The following LRRC20 variants were observed in gnomAD, a reference collection of about 807,000 sequenced individuals.
The protein encoded by LRRC20 is leucine rich repeat containing 20, also known as leucine-rich repeat-containing protein 20.
In LRRC20, 11 loss-of-function variants were observed where a neutral mutation model predicts 14.4. The observed-to-expected ratio is 0.77, with a 90% CI of 0.48 to 1.27. The LOEUF (loss-of-function observed/expected upper bound fraction) is 1.27. Ranked by LOEUF, LRRC20 falls within the 50% of genes most tolerant of loss-of-function variation. The probability of loss-of-function intolerance (pLI) is 0.00; values close to 1 mark genes in which losing one functional copy is unlikely to be tolerated. For missense variants in LRRC20, 219 were observed against 251.2 expected, an observed-to-expected ratio of 0.87 and a Z score of 0.87; for synonymous variants, 121 against 107.3, an observed-to-expected ratio of 1.13 and a Z score of -0.79.
intron 3 of LRRC20, among the ~76,000 whole-genome samples, chr10:70,334,918 C>T (rs1842668610): frequency 6.6e-6 from 1 of 152,176 alleles, no homozygotes; most frequent in African/African-American, 2.4e-5. Context: ...CTGGCAGGCA[C>T]CAGGAGCTGC....
At chr10:70,311,287 G>A (rs1841656733) in intron 4 of LRRC20, among the ~76,000 whole-genome samples, 1 of 143,572 alleles carries the variant, frequency 7.0e-6, no homozygotes. Context: ...GGGGTGCAAT[G>A]GCGCGATCTC....
At chr10:70,322,357 T>C (rs1318028915) in intron 4 of LRRC20, among the ~76,000 whole-genome samples, 1 of 152,034 alleles carries the variant, frequency 6.6e-6, no homozygotes, top group Middle Eastern at 3.2e-3. Context: ...CAGAAGGAAG[T>C]GGAGGCATCT....
At chr10:70,377,182 T>G (rs972379243) in intron 1 of LRRC20, among the ~76,000 whole-genome samples, 2 of 152,138 alleles carry the variant, frequency 1.3e-5, no homozygotes, top group Non-Finnish European at 2.9e-5. Flanking sequence ...TCCTTTCCCA[T>G]GTGCCAACAG....
At chr10:70,324,099 C>T (rs374134488) in intron 3 of LRRC20, 69 bp from the exon 4 acceptor site, 94 of 1,461,152 alleles carry the variant, frequency 6.4e-5, no homozygotes, top group Admixed American at 1.2e-4. Context: ...AGTGACTGCC[C>T]GCTGTGGCTC....
chr10:70,378,179 A>T (rs1844577953), intron 1 of LRRC20, among the ~76,000 whole-genome samples: 1 of 152,210 alleles, frequency 6.6e-6, no homozygotes, highest in African/African-American at 2.4e-5. Context: ...TACTCATGTG[A>T]GTCTGAACAA....
intron 4 of LRRC20, among the ~76,000 whole-genome samples, chr10:70,303,792 G>A (rs186057483): frequency 2.0e-5 from 3 of 152,220 alleles, no homozygotes; most frequent in African/African-American, 7.2e-5. Flanking sequence ...ATTACTTCCC[G>A]TACCTTGTTT....
chr10:70,376,621 G>A (rs1277822895), intron 1 of LRRC20, 25 bp from the exon 2 acceptor site: 10 of 1,281,258 alleles, frequency 7.8e-6, no homozygotes, highest in African/African-American at 1.5e-5. Context: ...GTGCCATGAA[G>A]TGCCCGCCTG....
chr10:70,346,158 C>A (rs1435885014), intron 2 of LRRC20, among the ~76,000 whole-genome samples: 2 of 152,162 alleles, frequency 1.3e-5, no homozygotes, highest in African/African-American at 4.8e-5. Context: ...GAGGCTGAGG[C>A]AGGAGAACTG....
chr10:70,345,678 ATG>A (rs1478443636), intron 2 of LRRC20, among the ~76,000 whole-genome samples: 1 of 152,230 alleles, frequency 6.6e-6, no homozygotes, highest in East Asian at 1.9e-4. Flanking sequence ...ATAGCTCCTG[ATG>A]TGTTTCCAAA....
At chr10:70,336,183 C>T (rs1428362859) in intron 3 of LRRC20, among the ~76,000 whole-genome samples, 2 of 152,208 alleles carry the variant, frequency 1.3e-5, no homozygotes, top group Non-Finnish European at 2.9e-5. Context: ...TGAATTTGGG[C>T]TCTGCTGTTA....
At position 70,322,440 on chromosome 10, in the gene LRRC20, G is replaced by C. The variant is rs369385347; in HGVS notation, c.400+1423C>G. Reference sequence around the variant, plus strand: ...AAGGGCCTGGCCAGGAATGCAGGGGGCAAAGGGCTCAAAAGCAAGCCCCTG... The same window carrying C: ...AAGGGCCTGGCCAGGAATGCAGGGGCCAAAGGGCTCAAAAGCAAGCCCCTG... On this transcript the variant is annotated intron_variant, in intron 4 of 4. Coordinates refer to ENST00000446961, the MANE Select transcript of LRRC20 (RefSeq NM_001278212.2). Among the ~76,000 whole-genome samples the C allele has an allele frequency of 3.9e-5, 6 of 152,332 alleles. No individual in the cohort carries two copies. The South Asian group carries it at 1.2e-3, about 32-fold the overall frequency.
chr10:70,364,038 T>C (rs991723646), intron 2 of LRRC20, among the ~76,000 whole-genome samples: 9 of 152,222 alleles, frequency 5.9e-5, no homozygotes, highest in African/African-American at 2.2e-4. Flanking sequence ...TCAGCCCTTG[T>C]GGCAAACAAA....
At chr10:70,341,725 A>T (rs374672842) in intron 2 of LRRC20, among the ~76,000 whole-genome samples, 24 of 152,268 alleles carry the variant, frequency 1.6e-4, no homozygotes, top group African/African-American at 5.5e-4. Flanking sequence ...CCCAGGTCAT[A>T]CCACTGCACA....
intron 4 of LRRC20, among the ~76,000 whole-genome samples, chr10:70,322,900 C>T (rs1842145253): frequency 6.6e-6 from 1 of 151,836 alleles, no homozygotes; most frequent in African/African-American, 2.4e-5. Context: ...GACAGATGGG[C>T]ACTCGCACCA....
chr10:70,369,925 C>T (rs138272414), intron 2 of LRRC20, among the ~76,000 whole-genome samples: 171 of 152,156 alleles, frequency 1.1e-3, no homozygotes, highest in African/African-American at 3.9e-3. Context: ...GCTAAATATA[C>T]AAAAGTTAGC....
At chr10:70,359,130 G>A (rs1189989380) in intron 2 of LRRC20, among the ~76,000 whole-genome samples, 2 of 152,150 alleles carry the variant, frequency 1.3e-5, no homozygotes, top group Non-Finnish European at 2.9e-5. Context: ...TGTGATCCTG[G>A]AATCTGCCTT....
At chr10:70,306,036 C>T (rs1334600687) in intron 4 of LRRC20, among the ~76,000 whole-genome samples, 12 of 152,010 alleles carry the variant, frequency 7.9e-5, no homozygotes, top group African/African-American at 2.2e-4. Flanking sequence ...CCACTGCGCC[C>T]GACCTAGATT....
intron 1 of LRRC20, among the ~76,000 whole-genome samples, chr10:70,379,537 G>A (rs1844629235): frequency 6.6e-6 from 1 of 152,148 alleles, no homozygotes; most frequent in South Asian, 2.1e-4. Flanking sequence ...CATCTCCTAG[G>A]TATGAGGGAT....
intron 1 of LRRC20, among the ~76,000 whole-genome samples, chr10:70,377,849 G>A (rs1844567025): frequency 1.3e-5 from 2 of 152,228 alleles, no homozygotes; most frequent in South Asian, 4.1e-4. Flanking sequence ...CCACTAAAGA[G>A]GCTGACACTA....
Sources: gnomAD v4.1 joint callset for allele counts (sites outside exome capture counted in the v4.1 genomes callset) on GRCh38, gnomAD v4.1.1 for gene constraint, MANE v1.5 for transcripts, NCBI Gene and HGNC (gene_info 2026-07-23, HGNC 2026-07-21) for gene names.